PITPNM1: variants seen among roughly 807,000 people sequenced by gnomAD.
PITPNM1 encodes the protein phosphatidylinositol transfer protein membrane associated 1.
Under a neutral mutation model 133.3 loss-of-function variants are expected in PITPNM1, and 74 were observed. That is an observed-to-expected ratio of 0.56 (90% CI 0.46 to 0.67). The LOEUF (loss-of-function observed/expected upper bound fraction) is 0.67. Among genes scored for constraint, PITPNM1 ranks in the 30% least tolerant of loss-of-function variants. The pLI, the probability that PITPNM1 is intolerant of heterozygous loss-of-function variation, is 0.00. For synonymous variants in PITPNM1, 738 were observed against 741.4 expected, an observed-to-expected ratio of 1.00 and a Z score of 0.08; for missense variants, 1,398 against 1,739.5, an observed-to-expected ratio of 0.80 and a Z score of 3.49.
In PITPNM1 at chr11:67,502,288, T is replaced by A; in HGVS notation, c.415+4A>T. On this transcript the variant is annotated splice_donor_region_variant and intron_variant, in intron 4 of 23. Transcript: ENST00000356404. This position sits in a 1 kb window ranked among gnomAD's most constrained non-coding sequence, Gnocchi z 5.9. The stretch of plus-strand genomic sequence containing the variant: ...CAGGGTCCCCCCATAGCTCCAGGCC[T>A]CACCCAGGATGCGCTGTCTCCTCTC... 1 of 1,612,604 alleles carries A rather than the reference T, an allele frequency of 6.2e-7. No homozygotes were observed. The highest frequency in any genetic ancestry group is 8.5e-7 in the Non-Finnish European group (1 of 1,179,898).
chr11:67,500,394 TG>T lies in PITPNM1; in HGVS notation c.667del (p.His223ThrfsTer14). 1 of 1,611,132 alleles carries T rather than the reference TG, an allele frequency of 6.2e-7. No homozygotes were observed. ...VGLRRVMLRA[H>X]RQAWCWQDEW... ...ATCCTGCCAGCACCAGGCCTGGCGG[TG>T]GGCCCGCAGCATCACCCGACGCAGA... On this transcript the variant is annotated frameshift_variant, in exon 6 of 24. Coordinates refer to ENST00000356404, the MANE Select transcript of PITPNM1 (RefSeq NM_004910.3). LOFTEE classifies it high-confidence loss of function.
Position 67,494,038 on chromosome 11 carries a change from C to T in PITPNM1, c.2892G>A (p.Ser964=), listed in dbSNP as rs17851972. The part of the protein sequence containing the change: ...VDVYIMTQPL[S]GKWIHFGTEV... ...CGGTGCCAAAGTGGATCCACTTGCC[C>T]GACAGCGGCTGCGTCATGATGTAGA... The change falls in exon 20 of 24, where the codon TCG becomes TCA. Residue 964 remains serine, a synonymous_variant. Transcript: ENST00000356404. The T allele has an allele frequency of 1.4e-4, 220 of 1,610,200 alleles. No individual in the cohort carries two copies. The African/African-American group carries it at 1.9e-3, about 14-fold the overall frequency.
chr11:67,503,603 C>CA (rs1324340555), intron 2 of PITPNM1, among the ~76,000 whole-genome samples: 3 of 152,158 alleles, frequency 2.0e-5, no homozygotes, highest in African/African-American at 7.2e-5. Flanking sequence ...CAGACTCCCC[C>CA]AGGCCCCGCA....
In PITPNM1 at chr11:67,498,301, A is replaced by G; in HGVS notation, c.1506T>C (p.Asp502=). 6.3e-7 allele frequency: 1 copy of G among 1,590,222 alleles called. No homozygotes were observed. Among genetic ancestry groups the G allele is most frequent in the Non-Finnish European group, 8.6e-7 (1 of 1,166,820 alleles). ...CTTGGGAGCGAGACAGGCTGTCCCCATCGTGGCTGTAAGGGCTCAGGCTGT... is the reference window on the plus strand; with the variant it reads ...CTTGGGAGCGAGACAGGCTGTCCCCGTCGTGGCTGTAAGGGCTCAGGCTGT... ...LVSNLSPYSH[D]GDSLSRSQDH... The change falls in exon 11 of 24, where the codon GAT becomes GAC. Residue 502 remains aspartate, a synonymous_variant. Transcript: ENST00000356404. This position sits in a 1 kb window ranked among gnomAD's most constrained non-coding sequence, Gnocchi z 5.7.
intron 22 of PITPNM1, 101 bp from the exon 23 acceptor site, chr11:67,493,163 G>T: frequency 7.1e-7 from 1 of 1,407,624 alleles, no homozygotes; most frequent in Non-Finnish European, 9.9e-7. Flanking sequence ...GTGGGTCCAG[G>T]CAGACGGAGG....
intron 14 of PITPNM1, chr11:67,496,965 G>A (rs892490224): frequency 4.5e-5 from 16 of 356,302 alleles, no homozygotes; most frequent in African/African-American, 2.3e-4. Context: ...AGAGGGCAGC[G>A]GCTTCGATTT....
Position 67,498,027 on chromosome 11 carries a change from G to C in PITPNM1, c.1675-3C>G. ...ACACCATCTCCAATCAGTGCGACCTGGGTGGGAGCAGGGGCACCATCAGGA... is the reference window on the plus strand; with the variant it reads ...ACACCATCTCCAATCAGTGCGACCTCGGTGGGAGCAGGGGCACCATCAGGA... On this transcript the variant is annotated splice_polypyrimidine_tract_variant and splice_region_variant and intron_variant, in intron 11 of 23. Coordinates refer to ENST00000356404, the MANE Select transcript of PITPNM1 (RefSeq NM_004910.3). The surrounding 1 kb of genome is among the most constrained non-coding windows in gnomAD (Gnocchi z 5.7). 6.2e-7 allele frequency: 1 copy of C among 1,609,670 alleles called. No individual in the cohort carries two copies. The highest frequency in any genetic ancestry group is 8.5e-7 in the Non-Finnish European group (1 of 1,179,760).
At chr11:67,501,045 C>T (rs1358899465) in intron 5 of PITPNM1, among the ~76,000 whole-genome samples, 3 of 152,216 alleles carry the variant, frequency 2.0e-5, no homozygotes, top group Admixed American at 1.3e-4. Flanking sequence ...AAGGCGTCCT[C>T]ATTATTCTCT....
At position 67,497,288 on chromosome 11, in the gene PITPNM1, C is replaced by A; in HGVS notation, c.2089G>T (p.Gly697Cys). The change falls in exon 14 of 24, where the codon GGC becomes TGC. Residue 697 changes from glycine (G) to cysteine (C), a missense_variant. Around this residue, in one of 5 missense-constraint regions of PITPNM1, gnomAD observed 574 missense variants for 698.7 expected, o/e 0.82. Transcript: ENST00000356404. ...GCCAGCACCAGGCCCAGTGGGGAGC[C>A]GAAGAGGAAGAAGCCAGAGACCTTG... ...DFKVSGFFLF[G>C]SPLGLVLALR... The A allele has an allele frequency of 1.2e-6, 2 of 1,612,492 alleles. No homozygotes were observed. Among genetic ancestry groups the A allele is most frequent in the Non-Finnish European group, 1.7e-6 (2 of 1,179,644 alleles).
chr11:67,492,136 C>T lies in PITPNM1; in HGVS notation c.3632G>A (p.Arg1211Lys), dbSNP rs775089653. The change falls in exon 24 of 24, where the codon AGG becomes AAG. Residue 1211 changes from arginine to lysine, a missense_variant. Physicochemically the swap from Arg to Lys is conservative, Grantham distance 26 (BLOSUM62 2). This residue lies in a region of PITPNM1 where 122 missense variants were observed against 123.3 expected (regional missense o/e 0.99). Coordinates refer to ENST00000356404, the MANE Select transcript of PITPNM1 (RefSeq NM_004910.3). ...CTCACGCTCCGCCTGGCTGGGGCCC[C>T]TCGAGCGAAGCAGCTGGCTCTGTTT... ...LRKQSQLLRS[R>K]GPSQAEREGP... 3 of 1,611,864 alleles carry T rather than the reference C, an allele frequency of 1.9e-6. No individual in the cohort carries two copies. The highest frequency in any genetic ancestry group is 2.5e-6 in the Non-Finnish European group (3 of 1,179,822).
At position 67,502,817 on chromosome 11, in the gene PITPNM1, T is replaced by C; in HGVS notation, c.79-99A>G. Reference sequence around the variant, plus strand: ...GTTCTACACAGCTCTGGGGCCCTGGTCCCAGCCTTTTCAACTCCCTGAAAC... The same window carrying C: ...GTTCTACACAGCTCTGGGGCCCTGGCCCCAGCCTTTTCAACTCCCTGAAAC... On this transcript the variant is annotated intron_variant, in intron 2 of 23. Transcript: ENST00000356404. The surrounding 1 kb of genome is among the most constrained non-coding windows in gnomAD (Gnocchi z 5.9). 3.3e-6 allele frequency: 4 copies of C among 1,204,160 alleles called. No individual in the cohort carries two copies. Among genetic ancestry groups the C allele is most frequent in the African/African-American group, 1.5e-5 (1 of 66,350 alleles). The allele number at this position is 1,204,160 out of a possible 1,614,324, so 74.6% of individuals were successfully genotyped here. A position where few individuals can be genotyped will look rare whatever the true frequency, so the allele number is the denominator to read the frequency against.
chr11:67,496,931 CAAA>C (rs772958237), intron 14 of PITPNM1: 419 of 158,868 alleles, frequency 2.6e-3, no homozygotes, highest in East Asian at 3.9e-3. Flanking sequence ...GACTCTGTCT[CAAA>C]AAAAAAAAAA....
intron 20 of PITPNM1, 36 bp downstream of exon 20, chr11:67,493,886 G>C (rs376326176): frequency 2.7e-4 from 418 of 1,526,600 alleles, no homozygotes; most frequent in Middle Eastern, 1.1e-3. Context: ...AGGCCTGGCG[G>C]AGCCCTCCCG....
chr11:67,501,280 G>A (rs905773173), intron 5 of PITPNM1, among the ~76,000 whole-genome samples: 2 of 152,258 alleles, frequency 1.3e-5, no homozygotes, highest in African/African-American at 4.8e-5. Context: ...GGTACCATGG[G>A]GTGGGGGTCA....
Position 67,492,230 on chromosome 11 carries a change from A to G in PITPNM1, c.3538T>C (p.Ser1180Pro). ...CCCAAGGCAGCTCTCGGGGGTCCCGAGGAGGCATGCGAGTGCGAGCCCGCT... is the reference window on the plus strand; with the variant it reads ...CCCAAGGCAGCTCTCGGGGGTCCCGGGGAGGCATGCGAGTGCGAGCCCGCT... Reference protein sequence around the residue: ...LEAGSHSHASSGPPRAALGKS... With the variant: ...LEAGSHSHASPGPPRAALGKS... Residue 1180 changes from serine to proline, a missense_variant, in exon 24 of 24, where the codon TCG becomes CCG. Ser to Pro is a moderately conservative substitution (Grantham distance 74). Transcript: ENST00000356404. The G allele has an allele frequency of 6.2e-7, 1 of 1,601,802 alleles. No individual in the cohort carries two copies. The highest frequency in any genetic ancestry group is 8.5e-7 in the Non-Finnish European group (1 of 1,174,770).
chr11:67,499,776 G>A lies in PITPNM1; in HGVS notation c.1118C>T (p.Ser373Phe), dbSNP rs766009006. The stretch of plus-strand genomic sequence containing the variant: ...GGCAAAGGCATCAATGAAGTCATTG[G>A]AGTTCCACTTGGTCATCTCCTTGGG... ...VFPKEMTKWN[S>F]NDFIDAFASP... The change falls in exon 8 of 24, where the codon TCC becomes TTC. Residue 373 changes from serine (S) to phenylalanine (F), a missense_variant. Ser to Phe is a radical substitution (Grantham distance 155, BLOSUM62 -2). Around this residue, in one of 5 missense-constraint regions of PITPNM1, gnomAD observed 195 missense variants for 178.8 expected, o/e 1.09. Coordinates refer to ENST00000356404, the MANE Select transcript of PITPNM1 (RefSeq NM_004910.3). 2 of 1,528,514 alleles carry A rather than the reference G, an allele frequency of 1.3e-6. No individual in the cohort carries two copies. The highest frequency in any genetic ancestry group is 1.4e-5 in the African/African-American group (1 of 71,894). The allele number at this position is 1,528,514 out of a possible 1,614,324, so 94.7% of individuals were successfully genotyped here.
In PITPNM1 at chr11:67,492,306, G is replaced by A. The variant is rs959129184; in HGVS notation, c.3472-10C>T. On this transcript the variant is annotated splice_polypyrimidine_tract_variant and intron_variant, in intron 23 of 23. Coordinates refer to ENST00000356404, the MANE Select transcript of PITPNM1 (RefSeq NM_004910.3). Reference sequence around the variant, plus strand: ...AGCCGTCTGACAGGAACTGTGGGCAGAGGTAGGCAGCGATGAGGGGGTGCT... The same window carrying A: ...AGCCGTCTGACAGGAACTGTGGGCAAAGGTAGGCAGCGATGAGGGGGTGCT... 4.8e-5 allele frequency: 74 copies of A among 1,546,332 alleles called. 1 individual carries two copies. The Middle Eastern group carries it at 1.2e-3, about 26-fold the overall frequency.
At chr11:67,506,256 C>T (rs1866513617), upstream of PITPNM1, 1 of 169,582 alleles carries the variant, frequency 5.9e-6, no homozygotes, top group African/African-American at 2.4e-5. Context: ...CCCACAGCGC[C>T]AAGGGCTGTG....
chr11:67,495,068 C>G lies in PITPNM1; in HGVS notation c.2631+9G>C. ...ATTCTCATCTCCCATTCCATATTCC[C>G]AGGCCCACCTGGCGCAGGATGAACG... is the stretch of plus-strand genomic sequence containing the variant. On this transcript the variant is annotated intron_variant, in intron 17 of 23. Transcript: ENST00000356404. 4 of 1,612,732 alleles carry G rather than the reference C, an allele frequency of 2.5e-6. No homozygotes were observed. Among genetic ancestry groups the G allele is most frequent in the Non-Finnish European group, 3.4e-6 (4 of 1,179,822 alleles).
Sources: gnomAD v4.1 joint callset for allele counts (sites outside exome capture counted in the v4.1 genomes callset) on GRCh38, gnomAD v4.1.1 for gene constraint, gnomAD v4.1.1 regional missense constraint, Gnocchi (gnomAD v3.1) non-coding constraint, MANE v1.5 for transcripts, NCBI Gene and HGNC (gene_info 2026-07-23, HGNC 2026-07-21) for gene names.